Variants in SGMS1 observed in about 807,000 individuals in gnomAD.
The protein encoded by SGMS1 is phosphatidylcholine:ceramide cholinephosphotransferase 1.
Under a neutral mutation model 46.2 loss-of-function variants are expected in SGMS1, and 13 were observed. The observed-to-expected ratio is 0.28, with a 90% CI of 0.18 to 0.45. The LOEUF is 0.45. SGMS1 is among the 20% of genes least tolerant of loss of function. The probability of loss-of-function intolerance (pLI) is 1.00; values close to 1 mark genes in which losing one functional copy is unlikely to be tolerated. For missense variants in SGMS1, 324 were observed against 519.9 expected (o/e 0.62, Z 3.66); for synonymous variants, 203 against 187.8 (o/e 1.08, Z -0.66).
intron 6 of SGMS1, among the ~76,000 whole-genome samples, chr10:50,365,274 A>AAAAAAAAAAAAAAAAAC (rs1848318751): frequency 6.7e-6 from 1 of 150,184 alleles, no homozygotes; most frequent in Non-Finnish European, 1.5e-5. Context: ...AAAAAAAAAA[A>AAAAAAAAAAAAAAAAAC]AAAAGCAACT....
intron 3 of SGMS1, among the ~76,000 whole-genome samples, chr10:50,503,246 T>C (rs1334329064): frequency 6.6e-6 from 1 of 152,214 alleles, no homozygotes; most frequent in Non-Finnish European, 1.5e-5. Flanking sequence ...TGCAGGCTTA[T>C]GTGAAAACAG....
At chr10:50,529,574 T>C (rs1837934522) in intron 2 of SGMS1, among the ~76,000 whole-genome samples, 1 of 152,234 alleles carries the variant, frequency 6.6e-6, no homozygotes, top group Non-Finnish European at 1.5e-5. Flanking sequence ...TGAACTTTTT[T>C]TGAATGAGTA....
upstream of SGMS1, chr10:50,625,138 G>A: frequency 5.7e-6 from 5 of 882,826 alleles, no homozygotes; most frequent in Non-Finnish European, 6.8e-6. Context: ...CAGAGGACAG[G>A]TTCTCGCCCG....
intron 8 of SGMS1, 34 bp from the exon 9 acceptor site, chr10:50,311,449 T>A: frequency 6.2e-7 from 1 of 1,603,682 alleles, no homozygotes; most frequent in South Asian, 1.1e-5. Flanking sequence ...AAAAAGAAGA[T>A]TCATTACGAG....
chr10:50,623,981 C>G, upstream of SGMS1: 2 of 985,368 alleles, frequency 2.0e-6, no homozygotes, highest in Non-Finnish European at 2.4e-6. Context: ...GTCCGCTGCC[C>G]GAGCCGGCCC....
At chr10:50,418,899 T>C (rs1402389699) in intron 6 of SGMS1, among the ~76,000 whole-genome samples, 1 of 152,224 alleles carries the variant, frequency 6.6e-6, no homozygotes, top group African/African-American at 2.4e-5. Flanking sequence ...CTCTTTCTGC[T>C]GTGTCCGTTA....
chr10:50,324,138 T>C (rs955198030), intron 8 of SGMS1, among the ~76,000 whole-genome samples: 2 of 152,198 alleles, frequency 1.3e-5, no homozygotes, highest in Admixed American at 6.5e-5. Flanking sequence ...AGAAACTGTC[T>C]CCTTCCACAC....
intron 1 of SGMS1, among the ~76,000 whole-genome samples, chr10:50,602,870 C>G (rs561903117): frequency 6.6e-6 from 1 of 152,230 alleles, no homozygotes; most frequent in Admixed American, 6.5e-5. Flanking sequence ...AACTTATTTC[C>G]AAAGTGCCAG....
intron 6 of SGMS1, among the ~76,000 whole-genome samples, chr10:50,427,972 TGA>T (rs922822313): frequency 2.6e-5 from 3 of 114,272 alleles, no homozygotes; most frequent in African/African-American, 1.0e-4. Context: ...TGCGTGTGAA[TGA>T]GAGAGAGAGA....
chr10:50,478,608 G>T (rs1837449226), intron 3 of SGMS1, among the ~76,000 whole-genome samples: 1 of 152,108 alleles, frequency 6.6e-6, no homozygotes, highest in Non-Finnish European at 1.5e-5. Flanking sequence ...CCTATCAACT[G>T]AAAATCAACA....
At chr10:50,459,835 C>T (rs1464073827) in intron 5 of SGMS1, 1 of 152,250 alleles carries the variant, frequency 6.6e-6, no homozygotes, top group African/African-American at 2.4e-5. Context: ...GAATAGCAGG[C>T]AAGTTGTTTA....
intron 1 of SGMS1, among the ~76,000 whole-genome samples, chr10:50,595,238 C>T (rs1161044616): frequency 3.3e-5 from 5 of 152,076 alleles, no homozygotes; most frequent in South Asian, 2.1e-4. Flanking sequence ...TGCAGTAGCA[C>T]GATCTCGGCT....
chr10:50,580,761 G>C, intron 2 of SGMS1, among the ~76,000 whole-genome samples: 1 of 152,186 alleles, frequency 6.6e-6, no homozygotes, highest in Non-Finnish European at 1.5e-5. Context: ...TTACAGGAGG[G>C]AGAGAAGGGG....
intron 2 of SGMS1, among the ~76,000 whole-genome samples, chr10:50,531,629 C>G (rs1837954409): frequency 6.6e-6 from 1 of 152,140 alleles, no homozygotes; most frequent in Non-Finnish European, 1.5e-5. Context: ...TCTGCCCACT[C>G]CACCACCTGC....
At chr10:50,345,708 C>T (rs1025395663) in intron 6 of SGMS1, among the ~76,000 whole-genome samples, 1 of 152,190 alleles carries the variant, frequency 6.6e-6, no homozygotes, top group Non-Finnish European at 1.5e-5. Context: ...AGAATATGCT[C>T]ATTGGAGCAT....
chr10:50,307,076 G>A lies in SGMS1; in HGVS notation c.*66C>T. ...AGGATTAGGGAGGTGTTTATTTTAT[G>A]GCATCTTCTCTCATGGAGTTCTTAG... On this transcript the variant is annotated 3_prime_UTR_variant, in exon 11 of 11. Coordinates refer to ENST00000361781, the MANE Select transcript of SGMS1 (RefSeq NM_147156.4). This position sits in a 1 kb window ranked among gnomAD's most constrained non-coding sequence, Gnocchi z 4.2. 1.4e-6 allele frequency: 2 copies of A among 1,478,012 alleles called. No individual in the cohort carries two copies. The highest frequency in any genetic ancestry group is 2.6e-5 in the South Asian group (2 of 77,852). The allele number at this position is 1,478,012 out of a possible 1,614,324, so 91.6% of individuals were successfully genotyped here.
At chr10:50,345,082 T>C (rs7096171) in intron 6 of SGMS1, among the ~76,000 whole-genome samples, 23,930 of 151,872 alleles carry the variant, frequency 0.16, 2,265 homozygotes, top group Admixed American at 0.22. Context: ...ACTCACAGAA[T>C]TGCTGAGCTT....
chr10:50,527,400 A>G (rs1480545756), intron 2 of SGMS1, among the ~76,000 whole-genome samples: 1 of 152,190 alleles, frequency 6.6e-6, no homozygotes, highest in Admixed American at 6.5e-5. Context: ...ACCTCAAGAC[A>G]ACCCTTTAAA....
At chr10:50,350,828 C>A (rs950012541) in intron 6 of SGMS1, among the ~76,000 whole-genome samples, 2 of 152,184 alleles carry the variant, frequency 1.3e-5, no homozygotes, top group African/African-American at 4.8e-5. Flanking sequence ...GGGCCCGGCC[C>A]TCATGGAGAA....
Sources: gnomAD v4.1 joint callset for allele counts (sites outside exome capture counted in the v4.1 genomes callset) on GRCh38, gnomAD v4.1.1 for gene constraint, Gnocchi (gnomAD v3.1) non-coding constraint, MANE v1.5 for transcripts, NCBI Gene and HGNC (gene_info 2026-07-23, HGNC 2026-07-21) for gene names.